Variants in BIRC2 observed in about 807,000 individuals in gnomAD.
BIRC2 encodes the protein baculoviral IAP repeat containing 2, also known as baculoviral IAP repeat-containing protein 2.
Under a neutral mutation model 60.9 loss-of-function variants are expected in BIRC2, and 18 were observed. That is an observed-to-expected ratio of 0.30 (90% CI 0.20 to 0.44). The LOEUF (loss-of-function observed/expected upper bound fraction) is 0.44. Ranked by LOEUF, BIRC2 falls within the 20% of genes least tolerant of loss-of-function variation. The pLI, the probability that BIRC2 is intolerant of heterozygous loss-of-function variation, is 1.00. For missense variants in BIRC2, 701 were observed against 728.5 expected (o/e 0.96, Z 0.43); for synonymous variants, 282 against 247.7 (o/e 1.14, Z -1.30).
At chr11:102,367,564 T>C (rs768573724) in intron 5 of BIRC2, among the ~76,000 whole-genome samples, 31 of 152,226 alleles carry the variant, frequency 2.0e-4, no homozygotes, top group Admixed American at 1.3e-3. Flanking sequence ...GAATTATGTC[T>C]TTTTGTATTT....
At chr11:102,359,772 A>G (rs1458025470) in intron 3 of BIRC2, among the ~76,000 whole-genome samples, 3 of 152,084 alleles carry the variant, frequency 2.0e-5, no homozygotes, top group Non-Finnish European at 4.4e-5. Flanking sequence ...ATTCTCTTTC[A>G]TCTTCTATTT....
intron 5 of BIRC2, 109 bp from the exon 6 acceptor site, chr11:102,368,197 C>A: frequency 7.7e-7 from 1 of 1,294,214 alleles, no homozygotes; most frequent in Non-Finnish European, 1.1e-6. Context: ...TAGCTCATCT[C>A]CTTTACCAGA....
chr11:102,364,714 T>C (rs534395502), intron 5 of BIRC2, among the ~76,000 whole-genome samples: 2 of 152,274 alleles, frequency 1.3e-5, no homozygotes, highest in East Asian at 3.9e-4. Flanking sequence ...GTGACCAAGA[T>C]GTATGAGTCT....
Position 102,368,559 on chromosome 11 carries a change from A to T in BIRC2, c.1366+11A>T, listed in dbSNP as rs752592296. ...AAGAAATGGCATCAGGTATTTGGGG[A>T]TGTTAGTCACCTGCATTGTTTCTCA... On this transcript the variant is annotated intron_variant, in intron 6 of 8. Transcript: ENST00000227758. The T allele has an allele frequency of 6.8e-6, 11 of 1,611,524 alleles. No individual in the cohort carries two copies. The highest frequency in any genetic ancestry group is 2.2e-5 in the East Asian group (1 of 44,788).
rs1265000904 is a variant in BIRC2 at position 102,368,514 on chromosome 11, G to A, written c.1332G>A (p.Glu444=). Reference sequence around the variant, plus strand: ...ATGCTGAAGATGAAAAAAGAGAAGAGGAGAAGGAAAAACAAGCTGAAGAAA... The same window carrying A: ...ATGCTGAAGATGAAAAAAGAGAAGAAGAGAAGGAAAAACAAGCTGAAGAAA... ...LLNAEDEKRE[E]EKEKQAEEMA... The change falls in exon 6 of 9, where the codon GAG becomes GAA. Residue 444 remains glutamate, a synonymous_variant. Transcript: ENST00000227758. 10 of 1,613,424 alleles carry A rather than the reference G, an allele frequency of 6.2e-6. No homozygotes were observed. Among genetic ancestry groups the A allele is most frequent in the Non-Finnish European group, 8.5e-6 (10 of 1,179,810 alleles).
intron 6 of BIRC2, among the ~76,000 whole-genome samples, chr11:102,369,504 T>C (rs1456197532): frequency 6.6e-6 from 1 of 151,180 alleles, no homozygotes; most frequent in Non-Finnish European, 1.5e-5. Flanking sequence ...TCATCATTTT[T>C]TATGGCTGCA....
In BIRC2 at chr11:102,349,930, A is replaced by G. The variant is rs763995359; in HGVS notation, c.76A>G (p.Thr26Ala). 19 of 1,614,092 alleles carry G rather than the reference A, an allele frequency of 1.2e-5. No homozygotes were observed. Among genetic ancestry groups the G allele is most frequent in the African/African-American group, 2.7e-5 (2 of 74,930 alleles). Residue 26 changes from threonine to alanine, a missense_variant, in exon 2 of 9, where the codon ACG becomes GCG. This residue lies in a region of BIRC2 where 375 missense variants were observed against 365.9 expected (regional missense o/e 1.02). Transcript: ENST00000227758. ...CATTAAGAGTATAATGGAAGATAGCACGATCTTGTCAGATTGGACAAACAG... is the reference window on the plus strand; with the variant it reads ...CATTAAGAGTATAATGGAAGATAGCGCGATCTTGTCAGATTGGACAAACAG... The part of the protein sequence containing the change: ...QNIKSIMEDS[T>A]ILSDWTNSNK...
intron 6 of BIRC2, among the ~76,000 whole-genome samples, chr11:102,369,490 G>A (rs1951598562): frequency 6.6e-6 from 1 of 151,270 alleles, no homozygotes; most frequent in African/African-American, 2.4e-5. Flanking sequence ...CAAAGGACAC[G>A]AACTCATCAT....
intron 6 of BIRC2, among the ~76,000 whole-genome samples, chr11:102,369,175 T>A (rs892527979): frequency 1.7e-4 from 26 of 152,104 alleles, no homozygotes; most frequent in Admixed American, 7.2e-4. Context: ...TATTTTTTTT[T>A]AATTATACTT....
At chr11:102,374,203 G>C (rs998315721) in intron 6 of BIRC2, among the ~76,000 whole-genome samples, 4 of 151,446 alleles carry the variant, frequency 2.6e-5, no homozygotes, top group Non-Finnish European at 4.4e-5. Context: ...TTGTTCCGTT[G>C]CTGGTGAGGA....
Position 102,378,313 on chromosome 11 carries a change from G to C in BIRC2, c.*130G>C, listed in dbSNP as rs1951737277. On this transcript the variant is annotated 3_prime_UTR_variant, in exon 9 of 9. Coordinates refer to ENST00000227758, the MANE Select transcript of BIRC2 (RefSeq NM_001166.5). ...TAACATTCATGTTCTAGTCTGCTTT[G>C]GTACTAATAATCTTGTTTCTGAAAA... The C allele has an allele frequency of 3.0e-6, 2 of 667,490 alleles. No homozygotes were observed. The highest frequency in any genetic ancestry group is 4.7e-6 in the Non-Finnish European group (2 of 426,742). The allele number at this position is 667,490 out of a possible 1,614,324, so 41.3% of individuals were successfully genotyped here. A position where few individuals can be genotyped will look rare whatever the true frequency, so the allele number is the denominator to read the frequency against.
rs146033190 is a variant in BIRC2 at position 102,365,888 on chromosome 11, T to C, written c.1123+2172T>C. On this transcript the variant is annotated intron_variant, in intron 5 of 8. Coordinates refer to ENST00000227758, the MANE Select transcript of BIRC2 (RefSeq NM_001166.5). ...GATTGCAGGCATGAGCCACTGCATT[T>C]GGCCTCATCTTTCTTAAGACACATT... Among the ~76,000 whole-genome samples the C allele has an allele frequency of 5.9e-5, 9 of 152,282 alleles. No homozygotes were observed. In the East Asian group the frequency reaches 1.7e-3, roughly 29 times the overall value.
Position 102,350,380 on chromosome 11 carries a change from C to A in BIRC2, c.526C>A (p.Pro176Thr). The change falls in exon 2 of 9, where the codon CCC becomes ACC. Residue 176 changes from proline (P) to threonine (T), a missense_variant. By Grantham distance (38) the Pro-to-Thr change is conservative. Around this residue, in one of 4 missense-constraint regions of BIRC2, gnomAD observed 375 missense variants for 365.9 expected, o/e 1.02. Transcript: ENST00000227758. ...VEDISSSRTN[P>T]YSYAMSTEEA... ...AGACATCTCTTCATCGAGGACTAAC[C>A]CCTACAGTTATGCAATGAGTACTGA... is the stretch of plus-strand genomic sequence containing the variant. 1 of 1,614,178 alleles carries A rather than the reference C, an allele frequency of 6.2e-7. No individual in the cohort carries two copies. The highest frequency in any genetic ancestry group is 2.2e-5 in the East Asian group (1 of 44,892).
At chr11:102,373,330 G>A (rs1337572611) in intron 6 of BIRC2, among the ~76,000 whole-genome samples, 1 of 152,150 alleles carries the variant, frequency 6.6e-6, no homozygotes, top group Non-Finnish European at 1.5e-5. Flanking sequence ...CATGTTTAGT[G>A]CTTCCTTCCG....
intron 8 of BIRC2, 25 bp downstream of exon 8, chr11:102,377,923 A>T: frequency 6.2e-7 from 1 of 1,609,222 alleles, no homozygotes; most frequent in Non-Finnish European, 8.5e-7. Flanking sequence ...TAAAACCAAC[A>T]TGAACTATTA....
At chr11:102,357,936 A>G (rs1951442336) in intron 3 of BIRC2, among the ~76,000 whole-genome samples, 1 of 152,122 alleles carries the variant, frequency 6.6e-6, no homozygotes, top group African/African-American at 2.4e-5. Context: ...TCGCATTTCA[A>G]TTTTAATATT....
intron 3 of BIRC2, among the ~76,000 whole-genome samples, chr11:102,352,379 G>C (rs1951373623): frequency 6.6e-6 from 1 of 152,014 alleles, no homozygotes; most frequent in Admixed American, 6.6e-5. Flanking sequence ...CTCCCAAAGT[G>C]CTGGGATTAC....
chr11:102,349,753 A>T lies in BIRC2; in HGVS notation c.-102A>T. Reference sequence around the variant, plus strand: ...GTAAAGAAAGTGTAGTAAATTCTACATAAGAGTCTATCATTGATTTCTTTT... The same window carrying T: ...GTAAAGAAAGTGTAGTAAATTCTACTTAAGAGTCTATCATTGATTTCTTTT... On this transcript the variant is annotated 5_prime_UTR_variant, in exon 2 of 9. Coordinates refer to ENST00000227758, the MANE Select transcript of BIRC2 (RefSeq NM_001166.5). 1 of 1,210,858 alleles carries T rather than the reference A, an allele frequency of 8.3e-7. No homozygotes were observed. The highest frequency in any genetic ancestry group is 1.2e-6 in the Non-Finnish European group (1 of 863,204). 75.0% of individuals were successfully genotyped at this position (1,210,858 alleles called of 1,614,324 possible).
chr11:102,364,186 C>CACACACACACACACAG (rs1338902901), intron 5 of BIRC2, among the ~76,000 whole-genome samples: 1 of 99,794 alleles, frequency 1.0e-5, no homozygotes, highest in African/African-American at 4.2e-5. Context: ...CACACACACA[C>CACACACACACACACAG]AGAGAGAGAG....
Sources: gnomAD v4.1 joint callset for allele counts (sites outside exome capture counted in the v4.1 genomes callset) on GRCh38, gnomAD v4.1.1 for gene constraint, gnomAD v4.1.1 regional missense constraint, MANE v1.5 for transcripts, NCBI Gene and HGNC (gene_info 2026-07-23, HGNC 2026-07-21) for gene names.